PCDHGA6: variants seen among roughly 807,000 people sequenced by gnomAD.
PCDHGA6 encodes the protein protocadherin gamma subfamily A, 6.
In PCDHGA6, 41 loss-of-function variants were observed where a neutral mutation model predicts 60.6. The observed-to-expected ratio is 0.68, with a 90% CI of 0.53 to 0.88. PCDHGA6 has a LOEUF of 0.88. Ranked by LOEUF, PCDHGA6 falls within the 40% of genes least tolerant of loss-of-function variation. The pLI is 0.00. For missense variants in PCDHGA6, 1,312 were observed against 1,203.0 expected (o/e 1.09, Z -1.34); for synonymous variants, 594 against 524.4 (o/e 1.13, Z -1.81).
intron 1 of PCDHGA6, chr5:141,390,163 C>CG (rs780815400): frequency 1.2e-6 from 2 of 1,613,992 alleles, no homozygotes; most frequent in Admixed American, 1.7e-5. Context: ...ACAGGAAAGA[C>CG]GGAGTTTAAT....
At chr5:141,395,197 T>A in intron 1 of PCDHGA6, 1 of 1,614,012 alleles carries the variant, frequency 6.2e-7, no homozygotes, top group Non-Finnish European at 8.5e-7. Context: ...TTAACATCCG[T>A]AGATTTTCAT....
At chr5:141,434,193 T>C (rs2097677103) in intron 1 of PCDHGA6, among the ~76,000 whole-genome samples, 1 of 152,246 alleles carries the variant, frequency 6.6e-6, no homozygotes, top group Non-Finnish European at 1.5e-5. Flanking sequence ...GTAATTCCAA[T>C]GTACTTACTT....
intron 1 of PCDHGA6, chr5:141,384,591 C>T (rs1780246263): frequency 6.2e-7 from 1 of 1,614,114 alleles, no homozygotes; most frequent in South Asian, 1.1e-5. Flanking sequence ...AGATCCTGTA[C>T]CCGGCCCTCC....
chr5:141,490,869 A>G lies in PCDHGA6; in HGVS notation c.2425-3938A>G, dbSNP rs764138126. ...GGGTTCGAGACTCCGGCTCTCCCCCATTGCATGCCAACACATCTCTGCATG... is the reference window on the plus strand; with the variant it reads ...GGGTTCGAGACTCCGGCTCTCCCCCGTTGCATGCCAACACATCTCTGCATG... On this transcript the variant is annotated intron_variant, in intron 1 of 3. Transcript: ENST00000517434. This position sits in a 1 kb window ranked among gnomAD's most constrained non-coding sequence, Gnocchi z 5.4. 4.3e-6 allele frequency: 7 copies of G among 1,613,784 alleles called. No homozygotes were observed. The highest frequency in any genetic ancestry group is 1.7e-5 in the Admixed American group (1 of 60,004).
In PCDHGA6 at chr5:141,455,253, C is replaced by A. The variant is rs187877877; in HGVS notation, c.2425-39554C>A. 2.8e-3 allele frequency among the ~76,000 whole-genome samples: 433 copies of A among 151,986 alleles called. 1 individual carries two copies. Among genetic ancestry groups the A allele is most frequent in the Admixed American group, 0.021 (319 of 15,266 alleles). ...AAAATGTTAAAGGTCATAGTACAAT[C>A]GCATTTCTTCCCATTGATTATTAAC... is the stretch of plus-strand genomic sequence containing the variant. On this transcript the variant is annotated intron_variant, in intron 1 of 3. Coordinates refer to ENST00000517434, the MANE Select transcript of PCDHGA6 (RefSeq NM_018919.3).
intron 1 of PCDHGA6, among the ~76,000 whole-genome samples, chr5:141,382,132 C>T (rs893026262): frequency 6.6e-6 from 1 of 152,070 alleles, no homozygotes; most frequent in Non-Finnish European, 1.5e-5. Flanking sequence ...CTGGCCCCCC[C>T]TCTCATTTTT....
chr5:141,410,629 C>A (rs1393614526), intron 1 of PCDHGA6: 1 of 1,601,482 alleles, frequency 6.2e-7, no homozygotes, highest in East Asian at 2.2e-5. Context: ...CGGTGAGTTT[C>A]TCTTTTTTGT....
rs372656276 is a variant in PCDHGA6, at chr5:141,415,107, A to G, written c.2424+38600A>G. ...TGCTGGACAGAGACGCGCTCAAGCA[A>G]AGCCTCGTAGTGGCCGTCCAGGACC... is the stretch of plus-strand genomic sequence containing the variant. On this transcript the variant is annotated intron_variant, in intron 1 of 3. Transcript: ENST00000517434. 1,052 of 1,613,570 alleles carry G rather than the reference A, an allele frequency of 6.5e-4. 7 individuals carry two copies. The African/African-American group carries it at 8.4e-3, about 13-fold the overall frequency.
intron 1 of PCDHGA6, among the ~76,000 whole-genome samples, chr5:141,380,689 C>T (rs570719600): frequency 4.4e-4 from 67 of 152,288 alleles, no homozygotes; most frequent in South Asian, 2.9e-3. Flanking sequence ...GCTTTGTGTT[C>T]GGAGTAGTCT....
chr5:141,420,795 A>G (rs1046945975), intron 1 of PCDHGA6, among the ~76,000 whole-genome samples: 1 of 152,260 alleles, frequency 6.6e-6, no homozygotes, highest in Non-Finnish European at 1.5e-5. Flanking sequence ...AAAACTTTTT[A>G]AAAATTAAGC....
chr5:141,376,773 G>C (rs1773367206), intron 1 of PCDHGA6: 1 of 400,516 alleles, frequency 2.5e-6, no homozygotes, highest in South Asian at 3.1e-5. Context: ...TGCAAGCTCC[G>C]CTTCCCGGGT....
chr5:141,404,004 C>G (rs1219625288), intron 1 of PCDHGA6: 33 of 1,613,842 alleles, frequency 2.0e-5, no homozygotes, highest in Non-Finnish European at 2.8e-5. Flanking sequence ...ACCATTACAT[C>G]TCTGTTTAGC....
At chr5:141,451,925 G>A (rs1391178313) in intron 1 of PCDHGA6, among the ~76,000 whole-genome samples, 2 of 152,012 alleles carry the variant, frequency 1.3e-5, no homozygotes, top group East Asian at 3.8e-4. Context: ...AGGAAGGGAG[G>A]TAGGGAGGCA....
At chr5:141,392,728 G>T in intron 1 of PCDHGA6, 1 of 1,407,730 alleles carries the variant, frequency 7.1e-7, no homozygotes, top group Non-Finnish European at 9.3e-7. Context: ...CCGGAGGATT[G>T]TCATCTCCAT....
chr5:141,456,700 C>G (rs1420857227), intron 1 of PCDHGA6, among the ~76,000 whole-genome samples: 2 of 152,060 alleles, frequency 1.3e-5, no homozygotes, highest in Admixed American at 1.3e-4. Flanking sequence ...CGTGGTGGCT[C>G]GCGCCTGTAA....
In PCDHGA6 at chr5:141,500,938, G is replaced by A. The variant is rs1317178701; in HGVS notation, c.2484-4455G>A. On this transcript the variant is annotated intron_variant, in intron 2 of 3. Transcript: ENST00000517434. Reference sequence around the variant, plus strand: ...GGCTGGGGTGCAGTGGCGCCATCTCGGCTCACTGCAAGCTCCACCTCCTGG... The same window carrying A: ...GGCTGGGGTGCAGTGGCGCCATCTCAGCTCACTGCAAGCTCCACCTCCTGG... 2.6e-5 allele frequency among the ~76,000 whole-genome samples: 4 copies of A among 151,060 alleles called. No homozygotes were observed. The East Asian group carries it at 5.8e-4, about 22-fold the overall frequency.
rs754462129 is a variant in PCDHGA6, at chr5:141,490,693, G to T, written c.2425-4114G>T. 6.2e-7 allele frequency: 1 copy of T among 1,614,170 alleles called. No homozygotes were observed. Among genetic ancestry groups the T allele is most frequent in the South Asian group, 1.1e-5 (1 of 91,072 alleles). On this transcript the variant is annotated intron_variant, in intron 1 of 3. Transcript: ENST00000517434. This position sits in a 1 kb window ranked among gnomAD's most constrained non-coding sequence, Gnocchi z 5.4. Reference sequence around the variant, plus strand: ...GGCTGCCTCAGATCCAGACACTGGGGATAATGCCCGCCTCACCTACTCCAT... The same window carrying T: ...GGCTGCCTCAGATCCAGACACTGGGTATAATGCCCGCCTCACCTACTCCAT...
chr5:141,444,915 T>C (rs1262912255), intron 1 of PCDHGA6, among the ~76,000 whole-genome samples: 1 of 152,174 alleles, frequency 6.6e-6, no homozygotes, highest in East Asian at 1.9e-4. Flanking sequence ...TCTATACCTT[T>C]ATCAGGGAAA....
At position 141,375,357 on chromosome 5, in the gene PCDHGA6, C is replaced by T; in HGVS notation, c.1274C>T (p.Thr425Met). 3 of 1,613,858 alleles carry T rather than the reference C, an allele frequency of 1.9e-6. No homozygotes were observed. The highest frequency in any genetic ancestry group is 1.3e-5 in the African/African-American group (1 of 75,056). Residue 425 changes from threonine to methionine, a missense_variant, in exon 1 of 4, where the codon ACG (threonine) becomes ATG (methionine). Coordinates refer to ENST00000517434, the MANE Select transcript of PCDHGA6 (RefSeq NM_018919.3). Reference protein sequence around the residue: ...VFLYNITVTATDKGTPPLSTE... With the variant: ...VFLYNITVTAMDKGTPPLSTE... ...TTGTACAACATCACTGTGACAGCCACGGACAAAGGAACACCACCTCTGTCT... is the reference window on the plus strand; with the variant it reads ...TTGTACAACATCACTGTGACAGCCATGGACAAAGGAACACCACCTCTGTCT...
Sources: allele counts gnomAD v4.1 joint callset (sites outside exome capture counted in the v4.1 genomes callset), GRCh38; gene constraint gnomAD v4.1.1; non-coding constraint Gnocchi (gnomAD v3.1); transcripts MANE v1.5; gene names NCBI Gene and HGNC (gene_info 2026-07-23, HGNC 2026-07-21).